The following TBC1D19 variants were observed in gnomAD, a reference collection of about 807,000 sequenced individuals.
TBC1D19 encodes TBC1 domain family, member 19.
In TBC1D19, 60 loss-of-function variants were observed where a neutral mutation model predicts 89.0. The observed-to-expected ratio is 0.67, with a 90% CI of 0.55 to 0.84. TBC1D19 has a LOEUF of 0.84. Ranked by LOEUF, TBC1D19 falls within the 40% of genes least tolerant of loss-of-function variation. TBC1D19 has a pLI of 0.00. For synonymous variants in TBC1D19, 189 were observed against 199.7 expected (o/e 0.95, Z 0.45); for missense variants, 500 against 610.8 (o/e 0.82, Z 1.91).
intron 7 of TBC1D19, among the ~76,000 whole-genome samples, chr4:26,649,101 T>A (rs1467321732): frequency 6.6e-6 from 1 of 151,940 alleles, no homozygotes; most frequent in Non-Finnish European, 1.5e-5. Flanking sequence ...GTAATTAGGC[T>A]AAAATTGTGC....
intron 10 of TBC1D19, among the ~76,000 whole-genome samples, chr4:26,672,685 C>T (rs146068510): frequency 6.6e-6 from 1 of 151,960 alleles, no homozygotes; most frequent in Admixed American, 6.6e-5. Flanking sequence ...AGATTCTTTT[C>T]CTTGTTTTTA....
chr4:26,775,267 C>T, the TBC1D19 span, among the ~76,000 whole-genome samples: 2 of 152,248 alleles, frequency 1.3e-5, no homozygotes, highest in South Asian at 2.1e-4. Flanking sequence ...GCCTGGGCAA[C>T]ATAGTGAGAC....
intron 11 of TBC1D19, among the ~76,000 whole-genome samples, chr4:26,682,689 A>G (rs1401329248): frequency 2.6e-5 from 4 of 152,104 alleles, no homozygotes; most frequent in Admixed American, 6.6e-5. Context: ...ACGAGACACT[A>G]TTTGCATCTC....
At chr4:26,719,971 G>T in intron 14 of TBC1D19, 110 bp from the exon 15 acceptor site, 1 of 807,864 alleles carries the variant, frequency 1.2e-6, no homozygotes, top group East Asian at 2.9e-5. Flanking sequence ...TGACATATCA[G>T]TTTATAGTAG....
intron 8 of TBC1D19, among the ~76,000 whole-genome samples, chr4:26,664,146 A>G (rs1462420891): frequency 6.6e-6 from 1 of 152,192 alleles, no homozygotes; most frequent in African/African-American, 2.4e-5. Flanking sequence ...GGCAGTAAAA[A>G]TACAGTTTCA....
the TBC1D19 span, among the ~76,000 whole-genome samples, chr4:26,785,142 A>G: frequency 6.6e-6 from 1 of 152,204 alleles, no homozygotes; most frequent in Non-Finnish European, 1.5e-5. Context: ...AGGTCTTTTT[A>G]TCTCCCTACC....
chr4:26,581,410 G>A (rs919396049), upstream of TBC1D19, among the ~76,000 whole-genome samples: 7 of 152,232 alleles, frequency 4.6e-5, no homozygotes, highest in Admixed American at 2.6e-4. Flanking sequence ...GGTGTGTGAT[G>A]TTCCCCTCCC....
the TBC1D19 span, among the ~76,000 whole-genome samples, chr4:26,794,114 G>A: frequency 1.3e-5 from 2 of 152,130 alleles, no homozygotes; most frequent in African/African-American, 4.8e-5. Flanking sequence ...AAACAAGGAA[G>A]ATGCATATTA....
chr4:26,795,453 C>G, the TBC1D19 span, among the ~76,000 whole-genome samples: 4 of 152,226 alleles, frequency 2.6e-5, no homozygotes, highest in African/African-American at 9.6e-5. Flanking sequence ...TGCCTTCACT[C>G]TAACGTAAGC....
chr4:26,647,019 T>A (rs1343739904), intron 7 of TBC1D19, among the ~76,000 whole-genome samples: 1 of 152,202 alleles, frequency 6.6e-6, no homozygotes, highest in Non-Finnish European at 1.5e-5. Context: ...ATCTTTTTCT[T>A]TTTTATTCCA....
At chr4:26,696,601 G>A (rs1317537766) in intron 13 of TBC1D19, among the ~76,000 whole-genome samples, 1 of 152,106 alleles carries the variant, frequency 6.6e-6, no homozygotes, top group Non-Finnish European at 1.5e-5. Flanking sequence ...TGACCACATA[G>A]TTGGAAGTAA....
At chr4:26,748,666 C>T (rs1229162488) in intron 19 of TBC1D19, 140 bp downstream of exon 19, 14 of 637,642 alleles carry the variant, frequency 2.2e-5, no homozygotes, top group Admixed American at 9.4e-5. Flanking sequence ...CTGGCTTTGA[C>T]GATAAGTACG....
chr4:26,787,818 G>A, the TBC1D19 span, among the ~76,000 whole-genome samples: 1 of 152,138 alleles, frequency 6.6e-6, no homozygotes, highest in Admixed American at 6.6e-5. Context: ...GAAGCTCCTG[G>A]CTTCTTACAG....
chr4:26,591,994 C>T (rs569644563), intron 1 of TBC1D19, among the ~76,000 whole-genome samples: 26 of 152,174 alleles, frequency 1.7e-4, no homozygotes, highest in African/African-American at 6.0e-4. Flanking sequence ...TTTATGAGGC[C>T]AGCATCATCC....
intron 18 of TBC1D19, among the ~76,000 whole-genome samples, chr4:26,746,499 TTG>T (rs1718657101): frequency 6.6e-6 from 1 of 152,200 alleles, no homozygotes; most frequent in Non-Finnish European, 1.5e-5. Flanking sequence ...TGAGATGTTT[TTG>T]TGTGGTTTTT....
At chr4:26,754,320 T>C (rs1293649804) in intron 20 of TBC1D19, 3 of 159,844 alleles carry the variant, frequency 1.9e-5, no homozygotes, top group Non-Finnish European at 4.1e-5. Flanking sequence ...GTTAATTATT[T>C]AAAGCTGATT....
intron 1 of TBC1D19, among the ~76,000 whole-genome samples, chr4:26,592,535 A>G (rs1205491144): frequency 6.6e-6 from 1 of 152,200 alleles, no homozygotes; most frequent in East Asian, 1.9e-4. Context: ...TTAGGAAAAG[A>G]GGAAATCAAA....
the TBC1D19 span, among the ~76,000 whole-genome samples, chr4:26,763,277 G>A: frequency 3.3e-5 from 5 of 152,106 alleles, no homozygotes; most frequent in African/African-American, 1.2e-4. Context: ...GCTATAAAGG[G>A]AAGTGGGAGT....
chr4:26,850,560 A>AAAAAAAAAAAAAAAAAAG, the TBC1D19 span, among the ~76,000 whole-genome samples: 2 of 148,588 alleles, frequency 1.3e-5, no homozygotes, highest in African/African-American at 5.0e-5. Flanking sequence ...AAAAAAAAAA[A>AAAAAAAAAAAAAAAAAAG]AAGAAGAAGA....
Sources: allele counts gnomAD v4.1 joint callset (sites outside exome capture counted in the v4.1 genomes callset), GRCh38; gene constraint gnomAD v4.1.1; transcripts MANE v1.5; gene names NCBI Gene and HGNC (gene_info 2026-07-23, HGNC 2026-07-21).